The following MYB variants were observed in gnomAD, a reference collection of about 807,000 sequenced individuals.
MYB encodes MYB proto-oncogene, transcription factor, also known as transcriptional activator Myb.
Under a neutral mutation model 92.9 loss-of-function variants are expected in MYB, and 28 were observed. The observed-to-expected ratio is 0.30, with a 90% confidence interval of 0.22 to 0.41. The LOEUF is 0.41. Ranked by LOEUF, MYB falls within the 10% of genes least tolerant of loss-of-function variation. The probability of loss-of-function intolerance (pLI) is 1.00; values close to 1 mark genes in which losing one functional copy is unlikely to be tolerated. For synonymous variants in MYB, 295 were observed against 329.1 expected, an observed-to-expected ratio of 0.90 and a Z score of 1.12; for missense variants, 679 against 929.3, an observed-to-expected ratio of 0.73 and a Z score of 3.50.
chr6:135,195,357 C>CATTGAAAAA, intron 8 of MYB: 1 of 177,546 alleles, frequency 5.6e-6, no homozygotes, highest in Non-Finnish European at 1.2e-5. Context: ...CCTGAGTCCT[C>CATTGAAAAA]TAGCTTTTTT....
rs1391062497 is a variant in MYB at position 135,200,075 on chromosome 6, CTTTTTAAAG to C, written c.1710-5_1713del. ...TTTGTATTGAGCCACTGCTTGTTTT[CTTTTTAAAG>C]TTTTAGAACCCCAGCTATCAAAAGG... On this transcript the variant is annotated splice_acceptor_variant and splice_polypyrimidine_tract_variant and intron_variant, in intron 11 of 15. Coordinates refer to ENST00000341911, the MANE Select transcript of MYB (RefSeq NM_001130173.2). LOFTEE classifies it high-confidence loss of function. 3.1e-6 allele frequency: 5 copies of C among 1,604,508 alleles called. No homozygotes were observed. The highest frequency in any genetic ancestry group is 4.3e-6 in the Non-Finnish European group (5 of 1,171,398).
intron 15 of MYB, among the ~76,000 whole-genome samples, chr6:135,207,415 G>A (rs1215594579): frequency 3.9e-5 from 6 of 152,164 alleles, no homozygotes; most frequent in Non-Finnish European, 7.4e-5. Context: ...ACAGTTTATT[G>A]AAGAACATAG....
chr6:135,189,256 T>C (rs982437089), intron 3 of MYB, among the ~76,000 whole-genome samples: 4 of 152,218 alleles, frequency 2.6e-5, no homozygotes, highest in African/African-American at 7.2e-5. Context: ...ATTCAGCATC[T>C]GTGATAGTCA....
Position 135,182,425 on chromosome 6 carries a change from C to G in MYB, c.23+889C>G, listed in dbSNP as rs576169143. ...TGCGAGCGGCGGGTGCCAGGGCTAG[C>G]TCGGCAGCCGTCGCAGTCGCCACTC... On this transcript the variant is annotated intron_variant, in intron 1 of 15. Coordinates refer to ENST00000341911, the MANE Select transcript of MYB (RefSeq NM_001130173.2). The surrounding 1 kb of genome is among the most constrained non-coding windows in gnomAD (Gnocchi z 5.6). 7.7e-4 allele frequency among the ~76,000 whole-genome samples: 117 copies of G among 152,272 alleles called. 2 individuals carry two copies. The highest frequency in any genetic ancestry group is 2.7e-3 in the African/African-American group (113 of 41,568).
chr6:135,196,914 G>T, intron 9 of MYB, 47 bp from the exon 10 acceptor site: 1 of 1,591,450 alleles, frequency 6.3e-7, no homozygotes, highest in Non-Finnish European at 8.5e-7. Flanking sequence ...TTCAGGTGAT[G>T]ATGGCACACA....
chr6:135,206,224 A>AT (rs1284314852), intron 15 of MYB, among the ~76,000 whole-genome samples: 117 of 142,534 alleles, frequency 8.2e-4, no homozygotes, highest in African/African-American at 2.8e-3. Flanking sequence ...AAAAAAAAAA[A>AT]AAATAATAAT....
chr6:135,184,045 G>T (rs542932955), intron 1 of MYB, among the ~76,000 whole-genome samples: 26 of 152,316 alleles, frequency 1.7e-4, no homozygotes, highest in Admixed American at 3.3e-4. Flanking sequence ...CCCTGCGGGC[G>T]GCTGAATAGG....
intron 1 of MYB, among the ~76,000 whole-genome samples, chr6:135,185,689 C>T (rs1178369647): frequency 1.3e-5 from 2 of 152,182 alleles, no homozygotes; most frequent in Non-Finnish European, 2.9e-5. Context: ...GGTGCCAGGT[C>T]CTTGGCCGTG....
Position 135,217,064 on chromosome 6 carries a change from A to G in MYB, c.2170-800A>G, listed in dbSNP as rs1281574359. Among the ~76,000 whole-genome samples the G allele has an allele frequency of 3.3e-5, 5 of 152,314 alleles. No homozygotes were observed. The East Asian group carries it at 7.7e-4, about 23-fold the overall frequency. On this transcript the variant is annotated intron_variant, in intron 15 of 15. Coordinates refer to ENST00000341911, the MANE Select transcript of MYB (RefSeq NM_001130173.2). ...TCCTTAGATATTAGGTCCATCTTGT[A>G]TCTTCTAGTGTATCTTTAAAAATTA...
chr6:135,190,538 C>T lies in MYB; in HGVS notation c.527+191C>T, dbSNP rs1776493379. On this transcript the variant is annotated intron_variant, in intron 5 of 15. Transcript: ENST00000341911. The surrounding 1 kb of genome is among the most constrained non-coding windows in gnomAD (Gnocchi z 4.5). ...TTTGGTTGAGAACTTCCAGGATCCA[C>T]CTGACAGTGAGCCCTGGGTGAAGAC... Among the ~76,000 whole-genome samples, 1 of 152,330 alleles carries T rather than the reference C, an allele frequency of 6.6e-6. No homozygotes were observed. Among genetic ancestry groups the T allele is most frequent in the East Asian group, 1.9e-4 (1 of 5,186 alleles).
chr6:135,209,293 G>A (rs1003527104), intron 15 of MYB, among the ~76,000 whole-genome samples: 1 of 152,138 alleles, frequency 6.6e-6, no homozygotes, highest in Non-Finnish European at 1.5e-5. Context: ...CAGTGCAGTG[G>A]TACAATCTTG....
In MYB at chr6:135,190,376, C is replaced by A. The variant is rs376573839; in HGVS notation, c.527+29C>A. On this transcript the variant is annotated intron_variant, in intron 5 of 15. Coordinates refer to ENST00000341911, the MANE Select transcript of MYB (RefSeq NM_001130173.2). The surrounding 1 kb of genome is among the most constrained non-coding windows in gnomAD (Gnocchi z 4.5). Reference sequence around the variant, plus strand: ...ATAATATGTCAAAAAATATATTGATCGGGAAGAATGAGGGAGTGGGTATTG... The same window carrying A: ...ATAATATGTCAAAAAATATATTGATAGGGAAGAATGAGGGAGTGGGTATTG... 6.4e-7 allele frequency: 1 copy of A among 1,558,554 alleles called. No homozygotes were observed. The highest frequency in any genetic ancestry group is 1.1e-5 in the South Asian group (1 of 89,060).
chr6:135,217,115 T>A (rs1780556531), intron 15 of MYB, among the ~76,000 whole-genome samples: 1 of 152,242 alleles, frequency 6.6e-6, no homozygotes, highest in South Asian at 2.1e-4. Context: ...ATGCCTGTAA[T>A]CTCAGCACTT....
chr6:135,199,998 A>G (rs1398088201), intron 11 of MYB, 87 bp from the exon 12 acceptor site: 1 of 999,322 alleles, frequency 1.0e-6, no homozygotes, highest in African/African-American at 1.6e-5. Flanking sequence ...TATTGTATTC[A>G]GTGGAAAAAT....
Position 135,219,012 on chromosome 6 carries a change from C to T in MYB, c.*1032C>T, listed in dbSNP as rs1178303207. The T allele has an allele frequency of 8.9e-6, 2 of 224,786 alleles. No homozygotes were observed. The highest frequency in any genetic ancestry group is 1.3e-4 in the East Asian group (2 of 15,652). The allele number at this position is 224,786 out of a possible 1,614,324, so 13.9% of individuals were successfully genotyped here. ...TAAGTGTATGGTCTCAGAACTGTTGCATGGATCCTGTGTTTGCAACTGGGG... is the reference window on the plus strand; with the variant it reads ...TAAGTGTATGGTCTCAGAACTGTTGTATGGATCCTGTGTTTGCAACTGGGG... On this transcript the variant is annotated 3_prime_UTR_variant, in exon 16 of 16. Coordinates refer to ENST00000341911, the MANE Select transcript of MYB (RefSeq NM_001130173.2).
Position 135,197,285 on chromosome 6 carries a change from C to G in MYB, c.1528C>G (p.Arg510Gly), listed in dbSNP as rs747116464. Reference sequence around the variant, plus strand: ...TGACGTCAGCAGTTCAACTCCCAAGCGTTCCCCTGTCAAAAGCCTACCCTT... The same window carrying G: ...TGACGTCAGCAGTTCAACTCCCAAGGGTTCCCCTGTCAAAAGCCTACCCTT... Reference protein sequence around the residue: ...FADVSSSTPKRSPVKSLPFSP... With the variant: ...FADVSSSTPKGSPVKSLPFSP... Residue 510 changes from arginine to glycine, a missense_variant, in exon 10 of 16, where the codon CGT becomes GGT. Physicochemically the swap from Arg to Gly is moderately radical, Grantham distance 125. Transcript: ENST00000341911. The G allele has an allele frequency of 1.2e-6, 2 of 1,613,532 alleles. No homozygotes were observed. Among genetic ancestry groups the G allele is most frequent in the Admixed American group, 3.3e-5 (2 of 59,976 alleles).
At chr6:135,197,360 C>A in intron 10 of MYB, 37 bp downstream of exon 10, 1 of 1,470,924 alleles carries the variant, frequency 6.8e-7, no homozygotes, top group Non-Finnish European at 9.3e-7. Context: ...TACTCATTTT[C>A]AACAGACACC....
intron 15 of MYB, among the ~76,000 whole-genome samples, chr6:135,205,272 T>A (rs1778709969): frequency 6.6e-6 from 1 of 151,774 alleles, no homozygotes; most frequent in South Asian, 2.1e-4. Context: ...GTTACTTGGC[T>A]CTTGGTTTCT....
Position 135,193,829 on chromosome 6 carries a change from T to C in MYB, c.763-9T>C. On this transcript the variant is annotated splice_polypyrimidine_tract_variant and intron_variant, in intron 6 of 15. Transcript: ENST00000341911. ...ATGACGTGGCCTTTGTTTTGTCTTT[T>C]GCATCTAGGTCTCCAGTCATGTTCC... 6.2e-7 allele frequency: 1 copy of C among 1,603,180 alleles called. No individual in the cohort carries two copies. Among genetic ancestry groups the C allele is most frequent in the Non-Finnish European group, 8.5e-7 (1 of 1,170,240 alleles).
Sources: allele counts gnomAD v4.1 joint callset (sites outside exome capture counted in the v4.1 genomes callset), GRCh38; gene constraint gnomAD v4.1.1; non-coding constraint Gnocchi (gnomAD v3.1); transcripts MANE v1.5; gene names NCBI Gene and HGNC (gene_info 2026-07-23, HGNC 2026-07-21).